Variants in ANKFY1 observed in about 807,000 individuals in gnomAD.
ANKFY1 encodes the protein ankyrin repeat and FYVE domain-containing protein 1.
A neutral mutation model predicts 128.3 loss-of-function variants in ANKFY1; 47 were observed. The ratio of observed to expected loss-of-function variants is 0.37; its 90% CI spans 0.29 to 0.47. ANKFY1 has a LOEUF of 0.47. Ranked by LOEUF, ANKFY1 falls within the 20% of genes least tolerant of loss-of-function variation. The pLI, the probability that ANKFY1 is intolerant of heterozygous loss-of-function variation, is 1.00. For synonymous variants in ANKFY1, 553 were observed against 601.6 expected, an observed-to-expected ratio of 0.92 and a Z score of 1.18; for missense variants, 1,222 against 1,510.6, an observed-to-expected ratio of 0.81 and a Z score of 3.17.
chr17:4,212,689 T>C (rs1403709694), intron 4 of ANKFY1, among the ~76,000 whole-genome samples: 3 of 151,574 alleles, frequency 2.0e-5, no homozygotes, highest in Admixed American at 6.6e-5. Flanking sequence ...GTAACAGACG[T>C]AGAAAAAGAC....
chr17:4,168,442 A>C (rs1054109575), intron 24 of ANKFY1, among the ~76,000 whole-genome samples: 1 of 152,110 alleles, frequency 6.6e-6, no homozygotes. Context: ...ATAGAGCAAG[A>C]CTATGTCTCA....
chr17:4,254,163 G>A (rs548468132), intron 1 of ANKFY1, among the ~76,000 whole-genome samples: 2 of 152,110 alleles, frequency 1.3e-5, no homozygotes, highest in East Asian at 3.9e-4. Context: ...AATTAGCCAG[G>A]TGTGGTGGCA....
chr17:4,263,667 C>A, intron 1 of ANKFY1: 1 of 1,533,576 alleles, frequency 6.5e-7, no homozygotes, highest in Non-Finnish European at 8.7e-7. Context: ...CGGCTGCACG[C>A]AGCACCGGCG....
At chr17:4,238,898 A>G (rs1038643318) in intron 2 of ANKFY1, among the ~76,000 whole-genome samples, 14 of 152,214 alleles carry the variant, frequency 9.2e-5, no homozygotes, top group African/African-American at 2.7e-4. Context: ...GGCTGGGATT[A>G]CAGGCATGTG....
At chr17:4,262,845 C>A (rs539250856) in intron 1 of ANKFY1, among the ~76,000 whole-genome samples, 112 of 152,278 alleles carry the variant, frequency 7.4e-4, no homozygotes, top group Non-Finnish European at 1.3e-3. Context: ...CAAATACACA[C>A]GCCAGGCCTC....
At chr17:4,168,806 A>G (rs1054298366) in intron 24 of ANKFY1, 1 of 171,704 alleles carries the variant, frequency 5.8e-6, no homozygotes, top group Non-Finnish European at 1.3e-5. Context: ...GAGCCACCGC[A>G]CCCGACCTAT....
intron 7 of ANKFY1, among the ~76,000 whole-genome samples, chr17:4,202,718 A>AAG (rs769746117): frequency 0.028 from 3,332 of 120,278 alleles, 158 homozygotes; most frequent in Non-Finnish European, 0.042. Flanking sequence ...AAAAAAAAAA[A>AAG]AGAGAGATAA....
At chr17:4,223,423 T>C (rs2060361816) in intron 3 of ANKFY1, 1 of 1,416,906 alleles carries the variant, frequency 7.1e-7, no homozygotes, top group Non-Finnish European at 1.0e-6. Context: ...AAGACCTGGC[T>C]GCTAGGAACT....
rs966563782 is a variant in ANKFY1, at chr17:4,167,484, T to C, written c.*295A>G. On this transcript the variant is annotated 3_prime_UTR_variant, in exon 25 of 25. Coordinates refer to ENST00000341657, the MANE Select transcript of ANKFY1 (RefSeq NM_001330063.2). The surrounding 1 kb of genome is among the most constrained non-coding windows in gnomAD (Gnocchi z 4.1). ...AAATGGTTTTCCAAGTGTCCCTGTATGTTGCTAGCAGAATGGGGAGAGGTC... is the reference window on the plus strand; with the variant it reads ...AAATGGTTTTCCAAGTGTCCCTGTACGTTGCTAGCAGAATGGGGAGAGGTC... The C allele has an allele frequency of 3.6e-5, 9 of 248,242 alleles. No homozygotes were observed. Among genetic ancestry groups the C allele is most frequent in the African/African-American group, 1.8e-4 (8 of 44,884 alleles). 15.4% of individuals were successfully genotyped at this position (248,242 alleles called of 1,614,324 possible). A position where few individuals can be genotyped will look rare whatever the true frequency, so the allele number is the denominator to read the frequency against.
In ANKFY1 at chr17:4,186,926, G is replaced by A. The variant is rs1285128469; in HGVS notation, c.1471-1880C>T. The A allele has an allele frequency of 2.6e-6, 3 of 1,139,244 alleles. No individual in the cohort carries two copies. In the African/African-American group the frequency reaches 4.8e-5, roughly 18 times the overall value. 70.6% of individuals were successfully genotyped at this position (1,139,244 alleles called of 1,614,324 possible). A position where few individuals can be genotyped will look rare whatever the true frequency, so the allele number is the denominator to read the frequency against. Reference sequence around the variant, plus strand: ...GTGTAGAAATTCAAAAATCACAATGGAATTTATTCCCACACACAGGCTCCT... The same window carrying A: ...GTGTAGAAATTCAAAAATCACAATGAAATTTATTCCCACACACAGGCTCCT... On this transcript the variant is annotated intron_variant, in intron 11 of 24. Coordinates refer to ENST00000341657, the MANE Select transcript of ANKFY1 (RefSeq NM_001330063.2).
intron 3 of ANKFY1, among the ~76,000 whole-genome samples, chr17:4,220,995 G>GAA (rs1191541066): frequency 6.6e-6 from 1 of 152,188 alleles, no homozygotes; most frequent in Non-Finnish European, 1.5e-5. Flanking sequence ...CTTCAAGGAT[G>GAA]AAAAGTAAAA....
Position 4,189,539 on chromosome 17 carries a change from C to T in ANKFY1, c.1373-60G>A, listed in dbSNP as rs756226491. ...TGCATCAAAATGCGGTCACGCTGCA[C>T]AACACCCTGCTCTTCCCTGCCACCC... On this transcript the variant is annotated intron_variant, in intron 10 of 24. Transcript: ENST00000341657. The T allele has an allele frequency of 7.8e-6, 11 of 1,401,578 alleles. No homozygotes were observed. The African/African-American group carries it at 1.3e-4, about 16-fold the overall frequency. The allele number at this position is 1,401,578 out of a possible 1,614,324, so 86.8% of individuals were successfully genotyped here.
At chr17:4,190,536 G>C (rs1159192607) in intron 10 of ANKFY1, among the ~76,000 whole-genome samples, 1 of 152,116 alleles carries the variant, frequency 6.6e-6, no homozygotes, top group Non-Finnish European at 1.5e-5. Flanking sequence ...TTGGCTGGAT[G>C]ACCATTTTGA....
chr17:4,212,687 C>T (rs570751137), intron 4 of ANKFY1, among the ~76,000 whole-genome samples: 6 of 151,144 alleles, frequency 4.0e-5, no homozygotes, highest in Non-Finnish European at 5.9e-5. Flanking sequence ...AGGTAACAGA[C>T]GTAGAAAAAG....
chr17:4,205,108 A>C (rs2059998170), intron 7 of ANKFY1, among the ~76,000 whole-genome samples: 1 of 152,228 alleles, frequency 6.6e-6, no homozygotes, highest in Non-Finnish European at 1.5e-5. Flanking sequence ...ATAATAGTAT[A>C]ACAATGCATC....
chr17:4,250,270 G>C (rs977835808), intron 1 of ANKFY1, among the ~76,000 whole-genome samples: 1 of 152,152 alleles, frequency 6.6e-6, no homozygotes, highest in African/African-American at 2.4e-5. Flanking sequence ...CTGAAAGAAT[G>C]ACTGACTGCT....
intron 3 of ANKFY1, among the ~76,000 whole-genome samples, chr17:4,226,541 CG>C (rs1257892648): frequency 6.6e-6 from 1 of 151,436 alleles, no homozygotes; most frequent in Non-Finnish European, 1.5e-5. Flanking sequence ...AAAAGGAGAA[CG>C]GGAGAGCAAA....
chr17:4,239,256 G>A (rs1967075958), intron 2 of ANKFY1, among the ~76,000 whole-genome samples: 1 of 152,150 alleles, frequency 6.6e-6, no homozygotes, highest in Non-Finnish European at 1.5e-5. Context: ...GCATTCTAAT[G>A]GGAAAGAGCC....
rs1567903677 is a variant in ANKFY1, at chr17:4,169,309, C to T, written c.3287-21G>A. 2 of 1,533,274 alleles carry T rather than the reference C, an allele frequency of 1.3e-6. No homozygotes were observed. The highest frequency in any genetic ancestry group is 4.9e-5 in the East Asian group (2 of 40,570). 95.0% of individuals were successfully genotyped at this position (1,533,274 alleles called of 1,614,324 possible). A position where few individuals can be genotyped will look rare whatever the true frequency, so the allele number is the denominator to read the frequency against. On this transcript the variant is annotated intron_variant, in intron 23 of 24. Coordinates refer to ENST00000341657, the MANE Select transcript of ANKFY1 (RefSeq NM_001330063.2). This position sits in a 1 kb window ranked among gnomAD's most constrained non-coding sequence, Gnocchi z 5.0. ...CATATCTGCAACACAGGGGGGAGGC[C>T]CGGTCCCGTCAAACCGCGACGGCGC...
Sources: gnomAD v4.1 joint callset for allele counts (sites outside exome capture counted in the v4.1 genomes callset) on GRCh38, gnomAD v4.1.1 for gene constraint, Gnocchi (gnomAD v3.1) non-coding constraint, MANE v1.5 for transcripts, NCBI Gene and HGNC (gene_info 2026-07-23, HGNC 2026-07-21) for gene names.